The following BCAR3 variants were observed in gnomAD, a reference collection of about 807,000 sequenced individuals.
BCAR3 encodes BCAR3 adaptor protein, NSP family member, also known as breast cancer anti-estrogen resistance protein 3.
BCAR3 carries 37 observed loss-of-function variants against 80.1 expected under a neutral mutation model. The observed-to-expected ratio is 0.46, with a 90% CI of 0.36 to 0.61. The LOEUF (loss-of-function observed/expected upper bound fraction) is 0.61, where lower values mean the gene tolerates loss of function less well. BCAR3 is among the 20% of genes least tolerant of loss of function. The pLI, the probability that BCAR3 is intolerant of heterozygous loss-of-function variation, is 0.00. For synonymous variants in BCAR3, 389 were observed against 418.9 expected (o/e 0.93, Z 0.87); for missense variants, 978 against 1,068.2 (o/e 0.92, Z 1.18).
At chr1:93,708,987 T>G (rs1176065087) in intron 2 of BCAR3, among the ~76,000 whole-genome samples, 1 of 152,074 alleles carries the variant, frequency 6.6e-6, no homozygotes, top group African/African-American at 2.4e-5. Context: ...GCTCACAACT[T>G]TCATATCAGG....
intron 3 of BCAR3, among the ~76,000 whole-genome samples, chr1:93,688,512 T>C (rs1649051760): frequency 6.6e-6 from 1 of 152,210 alleles, no homozygotes; most frequent in African/African-American, 2.4e-5. Context: ...ATTTCCTCAT[T>C]TACACAGCTT....
chr1:93,644,867 T>G (rs1486027582), intron 2 of BCAR3, among the ~76,000 whole-genome samples: 1 of 152,204 alleles, frequency 6.6e-6, no homozygotes, highest in African/African-American at 2.4e-5. Flanking sequence ...CCTTAATTTA[T>G]TCTTGAGCTG....
intron 2 of BCAR3, among the ~76,000 whole-genome samples, chr1:93,735,618 G>T (rs1371611443): frequency 6.6e-6 from 1 of 152,138 alleles, no homozygotes. Flanking sequence ...TTTGATTCTG[G>T]AGTTTCCTTT....
At chr1:93,842,643 G>A (rs1396022590) in intron 2 of BCAR3, among the ~76,000 whole-genome samples, 2 of 152,126 alleles carry the variant, frequency 1.3e-5, no homozygotes, top group Non-Finnish European at 2.9e-5. Context: ...CCCTCCTATA[G>A]TAATCACTCT....
intron 11 of BCAR3, among the ~76,000 whole-genome samples, chr1:93,565,837 T>C (rs1393342762): frequency 6.6e-6 from 1 of 152,024 alleles, no homozygotes; most frequent in Non-Finnish European, 1.5e-5. Flanking sequence ...ATAAATGGAG[T>C]CTCCTGCCCC....
At chr1:93,752,636 C>T (rs1025600795) in intron 2 of BCAR3, among the ~76,000 whole-genome samples, 6 of 152,164 alleles carry the variant, frequency 3.9e-5, no homozygotes, top group African/African-American at 7.2e-5. Context: ...TGCATTTGGA[C>T]GCACTTTCTT....
chr1:93,647,811 C>T lies in BCAR3; in HGVS notation c.318-5468G>A, dbSNP rs540796611. Among the ~76,000 whole-genome samples the T allele has an allele frequency of 4.6e-5, 7 of 151,540 alleles. No homozygotes were observed. The East Asian group carries it at 9.7e-4, about 21-fold the overall frequency. The stretch of plus-strand genomic sequence containing the variant: ...TTTTTTTTTCGAGTCTTGCTCTTGT[C>T]GCCCAGGCTAGAGTGCAATGGTGTG... On this transcript the variant is annotated intron_variant, in intron 2 of 11. Transcript: ENST00000260502.
intron 3 of BCAR3, among the ~76,000 whole-genome samples, chr1:93,625,709 G>A (rs550574861): frequency 3.3e-5 from 5 of 152,302 alleles, no homozygotes; most frequent in African/African-American, 1.2e-4. Context: ...GCTGGGACTC[G>A]AAAGGAAATT....
At chr1:93,669,788 T>C (rs930501361) in intron 2 of BCAR3, among the ~76,000 whole-genome samples, 1 of 152,228 alleles carries the variant, frequency 6.6e-6, no homozygotes. Flanking sequence ...GCATTTGCAG[T>C]GACCTGGATG....
chr1:93,570,007 G>A (rs1487306181), intron 9 of BCAR3, among the ~76,000 whole-genome samples: 4 of 152,146 alleles, frequency 2.6e-5, no homozygotes, highest in East Asian at 1.9e-4. Flanking sequence ...ATGATAACCC[G>A]TTATAGTAGA....
chr1:93,604,375 T>C (rs1220155345), intron 3 of BCAR3, among the ~76,000 whole-genome samples: 3 of 152,210 alleles, frequency 2.0e-5, no homozygotes, highest in East Asian at 3.8e-4. Context: ...AAATCATGTA[T>C]AGTAAATATG....
At chr1:93,812,564 T>C (rs1653885073) in intron 2 of BCAR3, among the ~76,000 whole-genome samples, 1 of 152,212 alleles carries the variant, frequency 6.6e-6, no homozygotes, top group East Asian at 1.9e-4. Context: ...TTTGCTTCCT[T>C]AGAAGGCCCT....
intron 7 of BCAR3, 102 bp from the exon 8 acceptor site, chr1:93,576,231 A>G: frequency 1.5e-6 from 1 of 666,510 alleles, no homozygotes. Flanking sequence ...GATGGCGTGG[A>G]CACTTTATGA....
rs1320995310 is a variant in BCAR3 at position 93,732,630 on chromosome 1, A to C, written c.-62-26488T>G. ...AGACCTTGTCTCAAAAAAAGAAAAA[A>C]AAACGAAAAGAAAAAGAAAAGAAAA... is the stretch of plus-strand genomic sequence containing the variant. On this transcript the variant is annotated intron_variant, in intron 2 of 13. Coordinates refer to the BCAR3 transcript ENST00000370244. Among the ~76,000 whole-genome samples the C allele has an allele frequency of 3.3e-5, 5 of 152,300 alleles. No homozygotes were observed. In the East Asian group the frequency reaches 7.7e-4, roughly 24 times the overall value.
At chr1:93,711,133 A>T (rs550379267) in intron 2 of BCAR3, among the ~76,000 whole-genome samples, 1 of 152,348 alleles carries the variant, frequency 6.6e-6, no homozygotes, top group South Asian at 2.1e-4. Flanking sequence ...GGCTTTTGTG[A>T]ACTAATATCA....
chr1:93,708,252 T>C (rs1326248707), intron 2 of BCAR3, among the ~76,000 whole-genome samples: 3 of 152,208 alleles, frequency 2.0e-5, no homozygotes, highest in Non-Finnish European at 4.4e-5. Context: ...ACCAGGCCAC[T>C]TCTCATCCTG....
intron 8 of BCAR3, among the ~76,000 whole-genome samples, chr1:93,573,486 C>T (rs1673307409): frequency 6.6e-6 from 1 of 151,890 alleles, no homozygotes; most frequent in African/African-American, 2.4e-5. Context: ...ACATGTCTCT[C>T]CCTGTGTATC....
chr1:93,785,565 A>G (rs1652908468), intron 2 of BCAR3, among the ~76,000 whole-genome samples: 1 of 152,254 alleles, frequency 6.6e-6, no homozygotes, highest in Admixed American at 6.5e-5. Context: ...TGTATACAAA[A>G]AGATCTAGCT....
rs769724740 is a variant in BCAR3, at chr1:93,582,962, G to C, written c.1034-9C>G. ...AGGTGGCAGCTTGCAGCCTGTGGGG[G>C]ATAAGAAAAGGTCAGAGAAAGCTCA... On this transcript the variant is annotated splice_polypyrimidine_tract_variant and intron_variant, in intron 6 of 11. Coordinates refer to ENST00000260502, the MANE Select transcript of BCAR3 (RefSeq NM_003567.4). The C allele has an allele frequency of 6.4e-6, 10 of 1,573,330 alleles. No individual in the cohort carries two copies. Among genetic ancestry groups the C allele is most frequent in the Non-Finnish European group, 8.6e-6 (10 of 1,164,232 alleles).
Sources: gnomAD v4.1 joint callset for allele counts (sites outside exome capture counted in the v4.1 genomes callset) on GRCh38, gnomAD v4.1.1 for gene constraint, MANE v1.5 for transcripts, NCBI Gene and HGNC (gene_info 2026-07-23, HGNC 2026-07-21) for gene names.